Variants in ABLIM3 observed in about 807,000 individuals in gnomAD.
The protein encoded by ABLIM3 is actin-binding LIM protein 3.
A neutral mutation model predicts 109.5 loss-of-function variants in ABLIM3; 61 were observed. The observed-to-expected ratio is 0.56, with a 90% CI of 0.45 to 0.69. The LOEUF is 0.69. ABLIM3 is among the 30% of genes least tolerant of loss of function. The pLI is 0.00. For synonymous variants in ABLIM3, 300 were observed against 324.8 expected, an observed-to-expected ratio of 0.92 and a Z score of 0.82; for missense variants, 796 against 889.5, an observed-to-expected ratio of 0.89 and a Z score of 1.34.
intron 2 of ABLIM3, among the ~76,000 whole-genome samples, chr5:149,152,970 A>G (rs3922512): frequency 0.25 from 37,788 of 151,950 alleles, 5,271 homozygotes; most frequent in African/African-American, 0.36. Flanking sequence ...GTAGCAAATA[A>G]TTCACAGAAA....
chr5:149,210,313 G>A (rs1309466818), intron 6 of ABLIM3, among the ~76,000 whole-genome samples: 1 of 152,170 alleles, frequency 6.6e-6, no homozygotes, highest in Non-Finnish European at 1.5e-5. Flanking sequence ...ACTAAAGTGT[G>A]CTATGCTTAG....
Position 149,141,537 on chromosome 5 carries a change from G to T in ABLIM3, c.-205G>T, listed in dbSNP as rs1408796064. ...CGCGAGCCCGCATCATGGATGTCGA[G>T]CTCCCCTATTTCGCATTGCTAGCCC... On this transcript the variant is annotated 5_prime_UTR_variant, in exon 1 of 24. Transcript: ENST00000309868. 1.3e-5 allele frequency: 2 copies of T among 153,154 alleles called. No homozygotes were observed. The highest frequency in any genetic ancestry group is 2.1e-4 in the South Asian group (1 of 4,842). The allele number at this position is 153,154 out of a possible 1,614,324, so 9.5% of individuals were successfully genotyped here.
intron 3 of ABLIM3, among the ~76,000 whole-genome samples, chr5:149,188,847 C>A (rs1757219561): frequency 6.6e-6 from 1 of 152,182 alleles, no homozygotes; most frequent in African/African-American, 2.4e-5. Flanking sequence ...GGCTTCTTTG[C>A]CAAAATTGAT....
In ABLIM3 at chr5:149,239,977, C is replaced by A. The variant is rs552631705; in HGVS notation, c.1204+89C>A. 4 of 1,461,698 alleles carry A rather than the reference C, an allele frequency of 2.7e-6. No homozygotes were observed. The East Asian group carries it at 7.9e-5, about 29-fold the overall frequency. The allele number at this position is 1,461,698 out of a possible 1,614,324, so 90.5% of individuals were successfully genotyped here. On this transcript the variant is annotated intron_variant, in intron 13 of 23. Coordinates refer to ENST00000309868, the MANE Select transcript of ABLIM3 (RefSeq NM_014945.5). ...TCCCTGCTGCAGAGGGCACAAGGCT[C>A]CCCCATGATCTCCATCACAGTGTGG...
At chr5:149,241,140 T>G (rs961770939) in intron 14 of ABLIM3, among the ~76,000 whole-genome samples, 1 of 152,194 alleles carries the variant, frequency 6.6e-6, no homozygotes, top group Non-Finnish European at 1.5e-5. Flanking sequence ...ATGCAGCTGC[T>G]TATAAGCTCA....
chr5:149,252,695 A>G, intron 22 of ABLIM3, 62 bp from the exon 23 acceptor site: 1 of 1,239,212 alleles, frequency 8.1e-7, no homozygotes, highest in Non-Finnish European at 1.2e-6. Context: ...CACAAAATGT[A>G]CCTGAAAGGA....
At chr5:149,221,847 G>C (rs1315772158) in intron 8 of ABLIM3, among the ~76,000 whole-genome samples, 1 of 152,026 alleles carries the variant, frequency 6.6e-6, no homozygotes, top group Non-Finnish European at 1.5e-5. Context: ...AAATGTGCCT[G>C]TACCCAGGAA....
At chr5:149,167,712 C>G (rs1343060034) in intron 2 of ABLIM3, among the ~76,000 whole-genome samples, 1 of 152,100 alleles carries the variant, frequency 6.6e-6, no homozygotes, top group African/African-American at 2.4e-5. Context: ...CCGTCCCTGC[C>G]CTCATCAAGC....
At chr5:149,246,284 A>G (rs1035996927) in intron 16 of ABLIM3, among the ~76,000 whole-genome samples, 198 bp from the exon 17 acceptor site, 2 of 152,168 alleles carry the variant, frequency 1.3e-5, no homozygotes, top group Non-Finnish European at 2.9e-5. Flanking sequence ...TCCCCACAGG[A>G]GAGGAGTGTT....
At chr5:149,206,747 C>T (rs1188179464) in intron 5 of ABLIM3, among the ~76,000 whole-genome samples, 1 of 152,122 alleles carries the variant, frequency 6.6e-6, no homozygotes, top group Non-Finnish European at 1.5e-5. Context: ...GTGCAGGGTC[C>T]ACTTTCAGTG....
chr5:149,150,510 T>C (rs565211060), intron 2 of ABLIM3, among the ~76,000 whole-genome samples: 12 of 152,170 alleles, frequency 7.9e-5, no homozygotes, highest in Non-Finnish European at 1.2e-4. Flanking sequence ...AAAATGACTA[T>C]AACACATCTC....
At chr5:149,248,689 C>CA (rs10659679) in intron 18 of ABLIM3, among the ~76,000 whole-genome samples, 2,628 of 78,800 alleles carry the variant, frequency 0.033, 156 homozygotes, top group African/African-American at 0.093. Flanking sequence ...GACTCTCTCT[C>CA]AAAAAAAAAA....
At chr5:149,189,744 A>G (rs1000959220) in intron 3 of ABLIM3, among the ~76,000 whole-genome samples, 5 of 152,202 alleles carry the variant, frequency 3.3e-5, no homozygotes, top group Non-Finnish European at 5.9e-5. Flanking sequence ...ACTCTCATAC[A>G]TTGCTGGTGG....
intron 2 of ABLIM3, among the ~76,000 whole-genome samples, chr5:149,142,669 C>A (rs1445207354): frequency 6.6e-6 from 1 of 152,196 alleles, no homozygotes; most frequent in Non-Finnish European, 1.5e-5. Context: ...TCTCTATGTA[C>A]CTGCAGGCTG....
intron 23 of ABLIM3, among the ~76,000 whole-genome samples, chr5:149,255,868 G>T (rs1754379321): frequency 6.6e-6 from 1 of 152,196 alleles, no homozygotes; most frequent in South Asian, 2.1e-4. Flanking sequence ...AGTGCTTTCT[G>T]TGTGCCCTTG....
At chr5:149,233,179 CA>C in intron 9 of ABLIM3, 49 bp from the exon 10 acceptor site, 24 of 1,572,056 alleles carry the variant, frequency 1.5e-5, no homozygotes, top group Non-Finnish European at 2.1e-5. Flanking sequence ...CCCTCCCCAC[CA>C]AGCTCAGGTT....
At chr5:149,229,199 C>T (rs945116178) in intron 8 of ABLIM3, among the ~76,000 whole-genome samples, 1 of 152,208 alleles carries the variant, frequency 6.6e-6, no homozygotes, top group Non-Finnish European at 1.5e-5. Flanking sequence ...CCTGTGATTG[C>T]TGGATCAAGC....
chr5:149,211,530 G>A (rs189103205), intron 7 of ABLIM3, among the ~76,000 whole-genome samples: 1 of 152,282 alleles, frequency 6.6e-6, no homozygotes, highest in East Asian at 1.9e-4. Context: ...TTCTAGTATT[G>A]ACTCTACTCC....
At chr5:149,216,292 A>G (rs1325187458) in intron 7 of ABLIM3, among the ~76,000 whole-genome samples, 1 of 152,222 alleles carries the variant, frequency 6.6e-6, no homozygotes, top group Non-Finnish European at 1.5e-5. Context: ...AAGGAAACTT[A>G]TATACGACAT....
Sources: allele counts gnomAD v4.1 joint callset (sites outside exome capture counted in the v4.1 genomes callset), GRCh38; gene constraint gnomAD v4.1.1; transcripts MANE v1.5; gene names NCBI Gene and HGNC (gene_info 2026-07-23, HGNC 2026-07-21).